Variants in MPP7 observed in about 807,000 individuals in gnomAD.
MPP7 encodes MAGUK p55 scaffold protein 7.
MPP7 carries 60 observed loss-of-function variants against 76.5 expected under a neutral mutation model. That is an observed-to-expected ratio of 0.78 (90% CI 0.64 to 0.97). The LOEUF is 0.97. MPP7 is among the 50% of genes least tolerant of loss of function. The pLI, the probability that MPP7 is intolerant of heterozygous loss-of-function variation, is 0.00. For synonymous variants in MPP7, 237 were observed against 244.5 expected (o/e 0.97, Z 0.29); for missense variants, 641 against 694.0 (o/e 0.92, Z 0.86).
chr10:28,156,250 G>A (rs914826806), intron 3 of MPP7, among the ~76,000 whole-genome samples: 14 of 152,162 alleles, frequency 9.2e-5, no homozygotes, highest in Non-Finnish European at 1.9e-4. Context: ...TAGGGTTACT[G>A]TGAGAATGAA....
chr10:28,313,290 G>C (rs1008804094), intron 2 of MPP7, among the ~76,000 whole-genome samples: 1 of 152,182 alleles, frequency 6.6e-6, no homozygotes, highest in Non-Finnish European at 1.5e-5. Flanking sequence ...AAGATCACTT[G>C]AGGTCAGGAG....
intron 1 of MPP7, among the ~76,000 whole-genome samples, chr10:28,247,708 A>C (rs1456045504): frequency 1.3e-5 from 2 of 152,212 alleles, no homozygotes. Flanking sequence ...CAAACAATTC[A>C]AAATCCTAAT....
intron 1 of MPP7, among the ~76,000 whole-genome samples, chr10:28,241,936 TTTCTACCCACTCTGGG>T (rs1181984306): frequency 2.5e-4 from 38 of 152,308 alleles, no homozygotes; most frequent in Middle Eastern, 3.4e-3. Context: ...CAACGTTCAA[TTTCTACCCACTCTGGG>T]TAACTCTTAA....
At chr10:28,157,227 A>C (rs1234945916) in intron 3 of MPP7, among the ~76,000 whole-genome samples, 3 of 152,126 alleles carry the variant, frequency 2.0e-5, no homozygotes, top group Non-Finnish European at 2.9e-5. Flanking sequence ...AAAGGAAAGA[A>C]AAGGAAAAGG....
intron 5 of MPP7, among the ~76,000 whole-genome samples, chr10:28,133,728 C>T (rs548798019): frequency 6.6e-6 from 1 of 152,186 alleles, no homozygotes; most frequent in Non-Finnish European, 1.5e-5. Flanking sequence ...TCCAGTGGCC[C>T]CCACTTATGC....
chr10:28,078,299 G>A (rs966164672), intron 12 of MPP7, among the ~76,000 whole-genome samples: 5 of 152,198 alleles, frequency 3.3e-5, no homozygotes, highest in African/African-American at 1.2e-4. Context: ...AAAAGTGGCA[G>A]AAGTCAAATC....
chr10:28,127,195 T>A (rs971160313), intron 6 of MPP7, among the ~76,000 whole-genome samples: 1 of 152,230 alleles, frequency 6.6e-6, no homozygotes, highest in African/African-American at 2.4e-5. Context: ...TTATACTTAA[T>A]GCTAGTTCCT....
At chr10:28,131,467 A>G (rs1835189069) in intron 6 of MPP7, 93 bp downstream of exon 6, 1 of 1,084,138 alleles carries the variant, frequency 9.2e-7, no homozygotes, top group Non-Finnish European at 1.2e-6. Flanking sequence ...TTAAGAACAT[A>G]GAGGAAGTAT....
intron 2 of MPP7, among the ~76,000 whole-genome samples, chr10:28,233,191 G>T (rs928577376): frequency 2.6e-5 from 4 of 152,156 alleles, no homozygotes; most frequent in Admixed American, 6.5e-5. Context: ...TAAATCGATG[G>T]TGGATGGTAG....
Position 28,131,616 on chromosome 10 carries a change from C to T in MPP7, c.391G>A (p.Asp131Asn). ...PVLPPMPEDI[D>N]DEEDSVKIIR... ...ATTTTTACTGAGTCTTCCTCATCGTCAATATCTTCAGGCATAGGAGGCAAC... is the reference window on the plus strand; with the variant it reads ...ATTTTTACTGAGTCTTCCTCATCGTTAATATCTTCAGGCATAGGAGGCAAC... Residue 131 changes from aspartate (D) to asparagine (N), a missense_variant, in exon 6 of 17, where the codon GAC (aspartate) becomes AAC (asparagine). Asp to Asn is a conservative substitution (Grantham distance 23). Coordinates refer to ENST00000683449, the MANE Select transcript of MPP7 (RefSeq NM_001318170.2). 1.2e-6 allele frequency: 2 copies of T among 1,607,142 alleles called. No individual in the cohort carries two copies. The highest frequency in any genetic ancestry group is 8.5e-7 in the Non-Finnish European group (1 of 1,175,992).
At chr10:28,254,004 G>GAAAAAAAAAAAAAAAAAA (rs199511617) in intron 1 of MPP7, among the ~76,000 whole-genome samples, 4 of 92,318 alleles carry the variant, frequency 4.3e-5, no homozygotes, top group East Asian at 3.8e-4. Context: ...TCACAAAAAA[G>GAAAAAAAAAAAAAAAAAA]AAAAAAAAAA....
At chr10:28,088,654 A>T (rs1292398168) in intron 12 of MPP7, among the ~76,000 whole-genome samples, 1 of 152,162 alleles carries the variant, frequency 6.6e-6, no homozygotes, top group Non-Finnish European at 1.5e-5. Context: ...ACACTAAGAG[A>T]CACCATGCTC....
intron 2 of MPP7, among the ~76,000 whole-genome samples, chr10:28,315,178 CAA>C (rs1834305069): frequency 8.3e-6 from 1 of 120,968 alleles, no homozygotes; most frequent in Non-Finnish European, 1.6e-5. Flanking sequence ...GAGAGAAAAA[CAA>C]AGAGAAGGAG....
intron 7 of MPP7, among the ~76,000 whole-genome samples, chr10:28,124,668 A>G (rs1834957905): frequency 6.7e-6 from 1 of 149,404 alleles, no homozygotes; most frequent in Non-Finnish European, 1.5e-5. Flanking sequence ...TATTTTTAGT[A>G]GAGACAGGGT....
intron 3 of MPP7, among the ~76,000 whole-genome samples, chr10:28,155,612 A>G (rs1836032960): frequency 1.3e-5 from 2 of 150,338 alleles, no homozygotes; most frequent in African/African-American, 2.5e-5. Context: ...AAAAAAAAGA[A>G]AGAAAAAGAA....
At chr10:28,182,763 C>T (rs1187767620) in intron 3 of MPP7, among the ~76,000 whole-genome samples, 4 of 152,194 alleles carry the variant, frequency 2.6e-5, no homozygotes, top group African/African-American at 9.7e-5. Context: ...CAATAAATTT[C>T]ATTAACAAAA....
intron 3 of MPP7, among the ~76,000 whole-genome samples, chr10:28,161,344 C>T: frequency 6.6e-6 from 1 of 151,450 alleles, no homozygotes; most frequent in African/African-American, 2.4e-5. Context: ...GTTCCCCACC[C>T]CCTCCCACCC....
At chr10:28,201,829 CATTT>C (rs1837781598) in intron 3 of MPP7, among the ~76,000 whole-genome samples, 1 of 152,164 alleles carries the variant, frequency 6.6e-6, no homozygotes, top group Non-Finnish European at 1.5e-5. Context: ...TTGCTGTGAA[CATTT>C]ATTTAAGTTA....
chr10:28,238,238 G>GTTATACAT (rs1471408438), intron 2 of MPP7, among the ~76,000 whole-genome samples: 11 of 151,822 alleles, frequency 7.2e-5, no homozygotes, highest in Admixed American at 6.6e-4. Flanking sequence ...CATGAATGAA[G>GTTATACAT]GATAATATGG....
Sources: gnomAD v4.1 joint callset for allele counts (sites outside exome capture counted in the v4.1 genomes callset) on GRCh38, gnomAD v4.1.1 for gene constraint, MANE v1.5 for transcripts, NCBI Gene and HGNC (gene_info 2026-07-23, HGNC 2026-07-21) for gene names.